The following DPP6 variants were observed in gnomAD, a reference collection of about 807,000 sequenced individuals.
DPP6 encodes the protein A-type potassium channel modulatory protein DPP6.
Under a neutral mutation model 122.6 loss-of-function variants are expected in DPP6, and 69 were observed. The ratio of observed to expected loss-of-function variants is 0.56; its 90% confidence interval spans 0.46 to 0.69. The LOEUF (loss-of-function observed/expected upper bound fraction) is 0.69. DPP6 is among the 30% of genes least tolerant of loss of function. DPP6 has a pLI of 0.00. For missense variants in DPP6, 928 were observed against 1,116.9 expected (o/e 0.83, Z 2.41); for synonymous variants, 418 against 433.1 (o/e 0.97, Z 0.43).
intron 4 of DPP6, among the ~76,000 whole-genome samples, chr7:154,556,908 G>C (rs1330856450): frequency 8.6e-6 from 1 of 116,730 alleles, no homozygotes. Context: ...TAGAGCAAAC[G>C]TTCAGGAATG....
chr7:154,280,358 T>A (rs1452116593), intron 1 of DPP6, among the ~76,000 whole-genome samples: 7 of 152,146 alleles, frequency 4.6e-5, no homozygotes, highest in Non-Finnish European at 1.5e-5. Context: ...ACCCCAAGCC[T>A]GTTGGTAGCA....
chr7:154,137,806 C>A (rs1409359260), intron 1 of DPP6, among the ~76,000 whole-genome samples: 1 of 152,200 alleles, frequency 6.6e-6, no homozygotes, highest in East Asian at 1.9e-4. Flanking sequence ...GGGCACCAAA[C>A]CAACATGCAT....
rs1823270849 is a variant in DPP6 at position 154,481,359 on chromosome 7, G to GTC, written c.457+6323_457+6324insCT. Among the ~76,000 whole-genome samples the GTC allele has an allele frequency of 1.3e-5, 2 of 151,602 alleles. No individual in the cohort carries two copies. Among genetic ancestry groups the GTC allele is most frequent in the African/African-American group, 2.4e-5 (1 of 41,252 alleles). ...GAGAGAGAGAGGGGTGTGTGTGTGT[G>GTC]TGTGTGTGTGTGTGTCTGTGTGTGT... On this transcript the variant is annotated intron_variant, in intron 3 of 25. Transcript: ENST00000377770. This position sits in a 1 kb window ranked among gnomAD's most constrained non-coding sequence, Gnocchi z 4.2.
chr7:154,731,775 G>C (rs1306097030), intron 8 of DPP6, among the ~76,000 whole-genome samples: 1 of 152,182 alleles, frequency 6.6e-6, no homozygotes, highest in Non-Finnish European at 1.5e-5. Flanking sequence ...ACTTTTTAAA[G>C]TTTATTAAAG....
At chr7:154,366,845 C>T (rs1420906653) in intron 1 of DPP6, among the ~76,000 whole-genome samples, 1 of 152,170 alleles carries the variant, frequency 6.6e-6, no homozygotes, top group African/African-American at 2.4e-5. Context: ...CAATACAATT[C>T]CCTCCCTGTG....
At chr7:154,791,589 G>T (rs938731232) in intron 10 of DPP6, among the ~76,000 whole-genome samples, 2 of 152,158 alleles carry the variant, frequency 1.3e-5, no homozygotes, top group African/African-American at 2.4e-5. Context: ...GAGATTTGCC[G>T]GGGGGACATG....
chr7:153,854,228 A>G, the DPP6 span, among the ~76,000 whole-genome samples: 1 of 151,956 alleles, frequency 6.6e-6, no homozygotes, highest in Non-Finnish European at 1.5e-5. Context: ...TACAAGTACC[A>G]TGCTGTTTTG....
At chr7:154,099,143 A>G (rs1805551065) in intron 1 of DPP6, among the ~76,000 whole-genome samples, 1 of 150,730 alleles carries the variant, frequency 6.6e-6, no homozygotes. Context: ...AGGGGCTCAT[A>G]TGACTCAGTG....
rs899131878 is a variant in DPP6 at position 154,894,103 on chromosome 7, T to C, written c.*1623T>C. 7.2e-5 allele frequency: 11 copies of C among 152,212 alleles called. No individual in the cohort carries two copies. The highest frequency in any genetic ancestry group is 2.7e-4 in the African/African-American group (11 of 41,448). The allele number at this position is 152,212 out of a possible 1,614,324, so 9.4% of individuals were successfully genotyped here. A position where few individuals can be genotyped will look rare whatever the true frequency, so the allele number is the denominator to read the frequency against. ...ATTTGTGAAAGGACCAACGTGCTGA[T>C]AAACAGGACCGATCCGAGTGCTACA... On this transcript the variant is annotated 3_prime_UTR_variant, in exon 26 of 26. Coordinates refer to ENST00000377770, the MANE Select transcript of DPP6 (RefSeq NM_130797.4).
intron 1 of DPP6, among the ~76,000 whole-genome samples, chr7:154,081,143 C>A (rs1418663748): frequency 6.6e-6 from 1 of 151,816 alleles, no homozygotes; most frequent in African/African-American, 2.4e-5. Context: ...GACCTAGCCC[C>A]TGATCAGCTG....
chr7:154,439,169 G>C (rs1819152029), intron 1 of DPP6, among the ~76,000 whole-genome samples: 1 of 152,170 alleles, frequency 6.6e-6, no homozygotes, highest in African/African-American at 2.4e-5. Flanking sequence ...TTTTGACATT[G>C]AGAAGTGATG....
At chr7:154,369,032 C>T (rs1033160186) in intron 1 of DPP6, among the ~76,000 whole-genome samples, 3 of 152,178 alleles carry the variant, frequency 2.0e-5, no homozygotes, top group Admixed American at 1.3e-4. Flanking sequence ...CAATATCCAT[C>T]AATCCCATAG....
At chr7:154,484,795 A>T (rs1823645106) in intron 3 of DPP6, among the ~76,000 whole-genome samples, 1 of 152,216 alleles carries the variant, frequency 6.6e-6, no homozygotes, top group African/African-American at 2.4e-5. Flanking sequence ...GTAAAATTGA[A>T]GAAAATTGCT....
chr7:154,061,034 G>A (rs1204455165), intron 1 of DPP6, among the ~76,000 whole-genome samples: 3 of 146,224 alleles, frequency 2.1e-5, no homozygotes, highest in South Asian at 2.2e-4. Flanking sequence ...CTGACGGCAG[G>A]TACCTTATGT....
intron 1 of DPP6, among the ~76,000 whole-genome samples, chr7:154,340,619 G>GA (rs1205746690): frequency 1.3e-5 from 2 of 152,206 alleles, no homozygotes; most frequent in African/African-American, 2.4e-5. Flanking sequence ...AACTATATTT[G>GA]AAAAAAATAC....
At chr7:154,002,073 G>A (rs907975387) in intron 1 of DPP6, among the ~76,000 whole-genome samples, 3 of 152,144 alleles carry the variant, frequency 2.0e-5, no homozygotes, top group Non-Finnish European at 4.4e-5. Flanking sequence ...AACCCTTTTT[G>A]TATATTCCTG....
intron 1 of DPP6, among the ~76,000 whole-genome samples, chr7:154,060,608 C>G (rs867974140): frequency 3.5e-5 from 5 of 141,820 alleles, no homozygotes; most frequent in South Asian, 2.4e-4. Context: ...CCTCTTCCCC[C>G]CCCTGGCTCT....
intron 16 of DPP6, 105 bp from the exon 17 acceptor site, chr7:154,853,675 C>G: frequency 6.7e-7 from 1 of 1,492,922 alleles, no homozygotes; most frequent in South Asian, 1.3e-5. Context: ...TCTCCAGGCT[C>G]CGCACGTCTA....
At chr7:154,462,850 T>G (rs951088839) in intron 2 of DPP6, among the ~76,000 whole-genome samples, 4 of 137,558 alleles carry the variant, frequency 2.9e-5, no homozygotes, top group Non-Finnish European at 6.2e-5. Context: ...CCTTCCTGTG[T>G]CCATGTGCTC....
Sources: gnomAD v4.1 joint callset for allele counts (sites outside exome capture counted in the v4.1 genomes callset) on GRCh38, gnomAD v4.1.1 for gene constraint, Gnocchi (gnomAD v3.1) non-coding constraint, MANE v1.5 for transcripts, NCBI Gene and HGNC (gene_info 2026-07-23, HGNC 2026-07-21) for gene names.